Variants in SGSM2 observed in about 807,000 individuals in gnomAD.
SGSM2 encodes small G protein signaling modulator 2.
A neutral mutation model predicts 126.6 loss-of-function variants in SGSM2; 89 were observed. That is an observed-to-expected ratio of 0.70 (90% CI 0.59 to 0.84). SGSM2 has a LOEUF of 0.84. Among genes scored for constraint, SGSM2 ranks in the 40% least tolerant of loss-of-function variants. The pLI, the probability that SGSM2 is intolerant of heterozygous loss-of-function variation, is 0.00. For synonymous variants in SGSM2, 614 were observed against 574.3 expected (o/e 1.07, Z -0.99); for missense variants, 1,404 against 1,416.6 (o/e 0.99, Z 0.14).
At chr17:2,341,380 C>T (rs1045289187) in intron 1 of SGSM2, among the ~76,000 whole-genome samples, 8 of 152,306 alleles carry the variant, frequency 5.3e-5, no homozygotes, top group South Asian at 4.1e-4. Context: ...CATGCCCAGC[C>T]GTCTAGGAAG....
rs768035807 is a variant in SGSM2 at position 2,337,724 on chromosome 17, G to A, written c.36G>A (p.Leu12=). Residue 12 remains leucine, a synonymous_variant, in exon 1 of 24, where the codon CTG becomes CTA. Transcript: ENST00000268989. This position sits in a 1 kb window ranked among gnomAD's most constrained non-coding sequence, Gnocchi z 5.1. ...GSAEDAVKEK[L]LWNVKKEVKQ... is the part of the protein sequence containing the mutation. ...CAGAGGACGCAGTCAAAGAGAAACTGCTGTGGAACGTGAAGAAGGAGGTAA... is the reference window on the plus strand; with the variant it reads ...CAGAGGACGCAGTCAAAGAGAAACTACTGTGGAACGTGAAGAAGGAGGTAA... The A allele has an allele frequency of 6.5e-7, 1 of 1,545,658 alleles. No homozygotes were observed. Among genetic ancestry groups the A allele is most frequent in the Non-Finnish European group, 8.7e-7 (1 of 1,143,834 alleles).
intron 1 of SGSM2, among the ~76,000 whole-genome samples, chr17:2,339,116 C>T (rs1567792961): frequency 1.3e-5 from 2 of 151,294 alleles, no homozygotes; most frequent in Non-Finnish European, 2.9e-5. Flanking sequence ...GTTGGGGAAG[C>T]GTCTGGACTC....
chr17:2,376,562 A>G, intron 19 of SGSM2, 171 bp from the exon 20 acceptor site: 1 of 764,566 alleles, frequency 1.3e-6, no homozygotes, highest in Middle Eastern at 3.8e-4. Context: ...CTTGGGGGGG[A>G]CCCGTGGGTT....
chr17:2,376,187 T>C lies in SGSM2; in HGVS notation c.2535T>C (p.Asp845=). ...VALNLHRIDK[D]VQRCDRNYWY... ...TAAACCTGCACCGCATAGACAAGGA[T>C]GTGCAGAGGTGTGACCGCAACTACT... The change falls in exon 19 of 24, where the codon GAT becomes GAC. Residue 845 remains aspartate, a synonymous_variant. Transcript: ENST00000268989. The C allele has an allele frequency of 1.2e-6, 2 of 1,614,018 alleles. No homozygotes were observed. The highest frequency in any genetic ancestry group is 1.7e-6 in the Non-Finnish European group (2 of 1,179,990).
At chr17:2,343,418 CT>C in intron 1 of SGSM2, 126 bp from the exon 2 acceptor site, 1 of 848,278 alleles carries the variant, frequency 1.2e-6, no homozygotes, top group East Asian at 2.4e-5. Context: ...CCTTTCATCC[CT>C]GTCATCTCTG....
At chr17:2,361,935 G>A (rs1283843842) in intron 3 of SGSM2, 136 bp downstream of exon 3, 24 of 1,330,972 alleles carry the variant, frequency 1.8e-5, no homozygotes, top group Non-Finnish European at 2.1e-5. Flanking sequence ...GGATCAGCTT[G>A]AGGGAGGGGA....
At position 2,372,800 on chromosome 17, in the gene SGSM2, C is replaced by T. The variant is rs749126884; in HGVS notation, c.1789-153C>T. 2.3e-4 allele frequency: 241 copies of T among 1,059,184 alleles called. No individual in the cohort carries two copies. The highest frequency in any genetic ancestry group is 2.9e-4 in the Non-Finnish European group (217 of 748,572). The allele number at this position is 1,059,184 out of a possible 1,614,324, so 65.6% of individuals were successfully genotyped here. Reference sequence around the variant, plus strand: ...TCTCATCCCACTGTGAGCTGGGGCACGGGAGGACGTGGCCACCCCAAAGCA... The same window carrying T: ...TCTCATCCCACTGTGAGCTGGGGCATGGGAGGACGTGGCCACCCCAAAGCA... On this transcript the variant is annotated intron_variant, in intron 15 of 23. Coordinates refer to ENST00000268989, the MANE Select transcript of SGSM2 (RefSeq NM_014853.3). The surrounding 1 kb of genome is among the most constrained non-coding windows in gnomAD (Gnocchi z 6.0).
intron 2 of SGSM2, among the ~76,000 whole-genome samples, chr17:2,349,003 A>T (rs1424123554): frequency 6.6e-6 from 1 of 151,610 alleles, no homozygotes; most frequent in African/African-American, 2.4e-5. Flanking sequence ...ACCTCAAGTG[A>T]TCTACCCGCC....
intron 2 of SGSM2, among the ~76,000 whole-genome samples, chr17:2,348,069 C>T (rs1378992862): frequency 2.0e-5 from 3 of 152,144 alleles, no homozygotes; most frequent in Non-Finnish European, 2.9e-5. Flanking sequence ...TCTGTGGAGC[C>T]GGGAATAACA....
At position 2,349,249 on chromosome 17, in the gene SGSM2, G is replaced by A. The variant is rs183389434; in HGVS notation, c.133+5629G>A. Among the ~76,000 whole-genome samples, 8 of 152,208 alleles carry A rather than the reference G, an allele frequency of 5.3e-5. No individual in the cohort carries two copies. The East Asian group carries it at 1.2e-3, about 22-fold the overall frequency. ...AAATTAGCTGGGCATCATGGTGCAC[G>A]CCTGTAATCCCAGCTCTTTGGGAGG... On this transcript the variant is annotated intron_variant, in intron 2 of 23. Transcript: ENST00000268989.
rs1243950109 is a variant in SGSM2 at position 2,376,466 on chromosome 17, A to G, written c.2609+205A>G. 2.5e-5 allele frequency: 17 copies of G among 674,428 alleles called. No homozygotes were observed. In the East Asian group the frequency reaches 4.6e-4, roughly 18 times the overall value. The allele number at this position is 674,428 out of a possible 1,614,324, so 41.8% of individuals were successfully genotyped here. Reference sequence around the variant, plus strand: ...CCTACCAGACCTCCACTTCAGCCACACCTCTTCAGGAAGCTTTCCCTCATC... The same window carrying G: ...CCTACCAGACCTCCACTTCAGCCACGCCTCTTCAGGAAGCTTTCCCTCATC... On this transcript the variant is annotated intron_variant, in intron 19 of 23. Coordinates refer to ENST00000268989, the MANE Select transcript of SGSM2 (RefSeq NM_014853.3).
At chr17:2,346,957 T>C (rs1412818695) in intron 2 of SGSM2, among the ~76,000 whole-genome samples, 2 of 151,974 alleles carry the variant, frequency 1.3e-5, no homozygotes, top group Non-Finnish European at 2.9e-5. Flanking sequence ...GGCATGGTGG[T>C]GCACGCCTGT....
At position 2,375,849 on chromosome 17, in the gene SGSM2, G is replaced by A. The variant is rs563979526; in HGVS notation, c.2458G>A (p.Ala820Thr). ...AGAACTGGAGGCCGGAGAGGAGCTT[G>A]CGGCTGTGTGTGCGGCTGCCTACAC... ...AGELEAGEEL[A>T]AVCAAAYTIE... is the part of the protein sequence containing the mutation. Residue 820 changes from alanine to threonine, a missense_variant, in exon 18 of 24, where the codon GCG (alanine) becomes ACG (threonine). Physicochemically the swap from Ala to Thr is moderately conservative, Grantham distance 58. Transcript: ENST00000268989. 5.2e-6 allele frequency: 8 copies of A among 1,529,676 alleles called. No individual in the cohort carries two copies. The highest frequency in any genetic ancestry group is 6.1e-6 in the Non-Finnish European group (7 of 1,143,800). The allele number at this position is 1,529,676 out of a possible 1,614,324, so 94.8% of individuals were successfully genotyped here.
intron 21 of SGSM2, chr17:2,377,530 G>T (rs926406546): frequency 3.7e-5 from 8 of 213,604 alleles, no homozygotes; most frequent in Non-Finnish European, 6.5e-5. Context: ...AATTGAGGAG[G>T]AGTGTGTGTG....
chr17:2,342,261 C>CAAAAAAAAA (rs570717792), intron 1 of SGSM2, among the ~76,000 whole-genome samples: 1 of 67,836 alleles, frequency 1.5e-5, no homozygotes. Context: ...ACTAAAAATA[C>CAAAAAAAAA]AAAAAAAAAA....
Position 2,371,376 on chromosome 17 carries a change from C to A in SGSM2, c.1538C>A (p.Pro513Gln). The change falls in exon 13 of 24, where the codon CCA (proline) becomes CAA (glutamine). Residue 513 changes from proline (P) to glutamine (Q), a missense_variant. Coordinates refer to ENST00000268989, the MANE Select transcript of SGSM2 (RefSeq NM_014853.3). ...SCLSCSSSSS[P>Q]HATPSHCSCI... is the part of the protein sequence containing the mutation. ...CTCTCCTGCTCCTCCAGCAGCTCCC[C>A]ACATGCAACCCCCAGCCACTGTAGC... 6.2e-7 allele frequency: 1 copy of A among 1,611,442 alleles called. No homozygotes were observed. The highest frequency in any genetic ancestry group is 8.5e-7 in the Non-Finnish European group (1 of 1,179,206).
intron 1 of SGSM2, 115 bp from the exon 2 acceptor site, chr17:2,343,430 C>T (rs1469701613): frequency 1.1e-6 from 1 of 932,034 alleles, no homozygotes; most frequent in East Asian, 2.4e-5. Flanking sequence ...GTCATCTCTG[C>T]AAGTGTCTGA....
chr17:2,378,358 T>G (rs1228414754), intron 22 of SGSM2, among the ~76,000 whole-genome samples: 1 of 152,012 alleles, frequency 6.6e-6, no homozygotes, highest in African/African-American at 2.4e-5. Context: ...AGCAAATCAC[T>G]TGAGGTCAGG....
Position 2,337,830 on chromosome 17 carries a change from C to A in SGSM2, c.57+85C>A. On this transcript the variant is annotated intron_variant, in intron 1 of 23. Transcript: ENST00000268989. This position sits in a 1 kb window ranked among gnomAD's most constrained non-coding sequence, Gnocchi z 5.1. ...AGAAAGGTCCGCGCCCACCCCCCGGCGCGGGCACCCGGGCCGAACCTGGGC... is the reference window on the plus strand; with the variant it reads ...AGAAAGGTCCGCGCCCACCCCCCGGAGCGGGCACCCGGGCCGAACCTGGGC... 1 of 1,067,812 alleles carries A rather than the reference C, an allele frequency of 9.4e-7. No individual in the cohort carries two copies. The highest frequency in any genetic ancestry group is 1.3e-6 in the Non-Finnish European group (1 of 798,660). 66.1% of individuals were successfully genotyped at this position (1,067,812 alleles called of 1,614,324 possible). A position where few individuals can be genotyped will look rare whatever the true frequency, so the allele number is the denominator to read the frequency against.
Sources: allele counts gnomAD v4.1 joint callset (sites outside exome capture counted in the v4.1 genomes callset), GRCh38; gene constraint gnomAD v4.1.1; non-coding constraint Gnocchi (gnomAD v3.1); transcripts MANE v1.5; gene names NCBI Gene and HGNC (gene_info 2026-07-23, HGNC 2026-07-21).